The following ADGRL3 variants were observed in gnomAD, a reference collection of about 807,000 sequenced individuals.
ADGRL3 encodes calcium-independent alpha-latrotoxin receptor 3.
In ADGRL3, 62 loss-of-function variants were observed where a neutral mutation model predicts 153.5. That is an observed-to-expected ratio of 0.40 (90% confidence interval 0.33 to 0.50). The LOEUF (loss-of-function observed/expected upper bound fraction) is 0.50. Ranked by LOEUF, ADGRL3 falls within the 20% of genes least tolerant of loss-of-function variation. The pLI is 0.47. For synonymous variants in ADGRL3, 710 were observed against 672.5 expected, an observed-to-expected ratio of 1.06 and a Z score of -0.86; for missense variants, 1,641 against 1,859.4, an observed-to-expected ratio of 0.88 and a Z score of 2.16.
intron 4 of ADGRL3, among the ~76,000 whole-genome samples, chr4:61,560,880 C>A (rs2098792326): frequency 6.6e-6 from 1 of 151,986 alleles, no homozygotes; most frequent in African/African-American, 2.4e-5. Context: ...AATATAGATT[C>A]TCTGATTTGT....
At chr4:61,745,682 G>C (rs1387949543) in intron 8 of ADGRL3, among the ~76,000 whole-genome samples, 6 of 152,110 alleles carry the variant, frequency 3.9e-5, no homozygotes, top group Admixed American at 1.3e-4. Flanking sequence ...CACCACCAGG[G>C]CTTCCCTAAA....
intron 5 of ADGRL3, among the ~76,000 whole-genome samples, chr4:61,665,428 A>G (rs921809258): frequency 2.6e-5 from 4 of 152,030 alleles, no homozygotes; most frequent in African/African-American, 9.7e-5. Context: ...AACGAAAACA[A>G]AAACAAACAA....
intron 8 of ADGRL3, among the ~76,000 whole-genome samples, chr4:61,779,880 C>T (rs1363993175): frequency 6.6e-6 from 1 of 151,846 alleles, no homozygotes; most frequent in Non-Finnish European, 1.5e-5. Flanking sequence ...TATAAATCAC[C>T]CCGGGATCAT....
intron 2 of ADGRL3, among the ~76,000 whole-genome samples, chr4:61,431,273 A>G (rs1042049506): frequency 6.6e-6 from 1 of 152,196 alleles, no homozygotes; most frequent in Non-Finnish European, 1.5e-5. Flanking sequence ...CAATCCTTCT[A>G]TAAAATAGGA....
In ADGRL3 at chr4:61,804,941, A is replaced by ATT. The variant is rs1232846488; in HGVS notation, c.1400-8866_1400-8865dup. ...TGTGCCTTTATTTATTTATTTATTTATTTATTTATTTTTATTTATTTATTT... is the reference window on the plus strand; with the variant it reads ...TGTGCCTTTATTTATTTATTTATTTATTTTTATTTATTTTTATTTATTTATTT... On this transcript the variant is annotated intron_variant, in intron 8 of 26. Transcript: ENST00000683033. Among the ~76,000 whole-genome samples the ATT allele has an allele frequency of 1.5e-3, 219 of 146,954 alleles. 1 individual carries two copies. The highest frequency in any genetic ancestry group is 5.3e-3 in the African/African-American group (212 of 39,696).
At chr4:61,728,666 A>G (rs1199385675) in intron 6 of ADGRL3, among the ~76,000 whole-genome samples, 1 of 152,108 alleles carries the variant, frequency 6.6e-6, no homozygotes, top group Non-Finnish European at 1.5e-5. Context: ...TGTATTTATC[A>G]GGAAGATATT....
intron 1 of ADGRL3, among the ~76,000 whole-genome samples, chr4:61,346,308 T>TACACACACACACACAC (rs10693257): frequency 6.9e-5 from 10 of 144,638 alleles, no homozygotes; most frequent in South Asian, 6.7e-4. Flanking sequence ...TGTCACAGTC[T>TACACACACACACACAC]ACACACACAC....
At chr4:61,555,507 C>A (rs2098761182) in intron 4 of ADGRL3, among the ~76,000 whole-genome samples, 1 of 152,092 alleles carries the variant, frequency 6.6e-6, no homozygotes, top group Admixed American at 6.5e-5. Flanking sequence ...CAGAGCTGTT[C>A]TAGATGCTGA....
rs183975888 is a variant in ADGRL3, at chr4:61,277,973, C to A, written c.-240+76208C>A. 3.4e-3 allele frequency among the ~76,000 whole-genome samples: 520 copies of A among 152,226 alleles called. 3 individuals are homozygous for A. The highest frequency in any genetic ancestry group is 0.012 in the African/African-American group (480 of 41,538). ...GAGGGAAGCCAGCCAAGATTTTATA[C>A]CTGCTGGGTAAACTCTCCATTGTAA... On this transcript the variant is annotated intron_variant, in intron 1 of 26. Coordinates refer to ENST00000683033, the MANE Select transcript of ADGRL3 (RefSeq NM_001387552.1).
intron 4 of ADGRL3, among the ~76,000 whole-genome samples, chr4:61,549,370 G>A (rs1404880231): frequency 1.3e-5 from 2 of 152,042 alleles, no homozygotes; most frequent in South Asian, 2.1e-4. Flanking sequence ...TGGGATTGAT[G>A]AGAGAGGGCA....
chr4:61,286,482 A>G (rs1468934209), intron 1 of ADGRL3, among the ~76,000 whole-genome samples: 2 of 151,660 alleles, frequency 1.3e-5, no homozygotes, highest in Admixed American at 6.6e-5. Flanking sequence ...ATTTTTTTCT[A>G]GAATATTTTA....
rs1336662517 is a variant in ADGRL3 at position 61,492,152 on chromosome 4, C to T, written c.-173-4969C>T. ...ATGCCAAATGGCATTTTTTATATTT[C>T]GTATGTGCCAAACATGTCAGAAAAC... On this transcript the variant is annotated intron_variant, in intron 2 of 26. Transcript: ENST00000683033. 3.3e-5 allele frequency among the ~76,000 whole-genome samples: 5 copies of T among 152,050 alleles called. No homozygotes were observed. In the East Asian group the frequency reaches 5.8e-4, roughly 18 times the overall value.
At chr4:61,893,136 TTTC>T (rs1561427726) in intron 10 of ADGRL3, among the ~76,000 whole-genome samples, 178 bp downstream of exon 10, 1 of 151,032 alleles carries the variant, frequency 6.6e-6, no homozygotes, top group African/African-American at 2.4e-5. Flanking sequence ...TCTCTCTTTC[TTTC>T]TTCTTTCTTT....
chr4:61,681,475 A>T (rs572341867), intron 6 of ADGRL3, among the ~76,000 whole-genome samples: 2 of 152,074 alleles, frequency 1.3e-5, no homozygotes, highest in Non-Finnish European at 2.9e-5. Flanking sequence ...TGCGGGGGGA[A>T]GTACACAATT....
At chr4:61,437,430 G>C (rs2097462151) in intron 2 of ADGRL3, among the ~76,000 whole-genome samples, 1 of 152,050 alleles carries the variant, frequency 6.6e-6, no homozygotes, top group Non-Finnish European at 1.5e-5. Context: ...GGATAAATTG[G>C]GCCCCTCCCA....
intron 1 of ADGRL3, among the ~76,000 whole-genome samples, chr4:61,328,427 T>C (rs17090431): frequency 0.029 from 4,416 of 152,244 alleles, 191 homozygotes; most frequent in African/African-American, 0.098. Flanking sequence ...GTGATCTCAT[T>C]ATATGTTAAA....
chr4:61,785,025 G>A (rs2097261112), intron 8 of ADGRL3, among the ~76,000 whole-genome samples: 1 of 152,106 alleles, frequency 6.6e-6, no homozygotes, highest in Non-Finnish European at 1.5e-5. Flanking sequence ...TGAATGACAT[G>A]TAAGTGACAT....
chr4:61,949,165 G>T (rs1040943051), intron 17 of ADGRL3, among the ~76,000 whole-genome samples: 3 of 152,144 alleles, frequency 2.0e-5, no homozygotes, highest in African/African-American at 7.2e-5. Context: ...CATGGCCAGA[G>T]ATGTTTGAGA....
At chr4:61,793,293 G>A (rs993645842) in intron 8 of ADGRL3, among the ~76,000 whole-genome samples, 23 of 152,202 alleles carry the variant, frequency 1.5e-4, no homozygotes, top group Non-Finnish European at 2.8e-4. Context: ...TTGTGGCGGC[G>A]GGCGCCTGTA....
Sources: allele counts gnomAD v4.1 joint callset (sites outside exome capture counted in the v4.1 genomes callset), GRCh38; gene constraint gnomAD v4.1.1; transcripts MANE v1.5; gene names NCBI Gene and HGNC (gene_info 2026-07-23, HGNC 2026-07-21).